Variants in DNM3 observed in about 807,000 individuals in gnomAD.
DNM3 encodes dynamin 3.
DNM3 carries 47 observed loss-of-function variants against 101.6 expected under a neutral mutation model. That is an observed-to-expected ratio of 0.46 (90% CI 0.37 to 0.59). The LOEUF (loss-of-function observed/expected upper bound fraction) is 0.59, where lower values mean the gene tolerates loss of function less well. Ranked by LOEUF, DNM3 falls within the 20% of genes least tolerant of loss-of-function variation. DNM3 has a pLI of 0.00. For missense variants in DNM3, 849 were observed against 1,085.7 expected, an observed-to-expected ratio of 0.78 and a Z score of 3.06; for synonymous variants, 385 against 387.9, an observed-to-expected ratio of 0.99 and a Z score of 0.09.
intron 14 of DNM3, among the ~76,000 whole-genome samples, chr1:172,240,278 G>A (rs1173972072): frequency 6.6e-6 from 1 of 152,120 alleles, no homozygotes; most frequent in African/African-American, 2.4e-5. Context: ...TGAATGCTCA[G>A]GCCCTTTGCT....
intron 14 of DNM3, among the ~76,000 whole-genome samples, chr1:172,170,878 A>G (rs1345686401): frequency 6.6e-6 from 1 of 151,798 alleles, no homozygotes; most frequent in Non-Finnish European, 1.5e-5. Context: ...TCTAGGGGTC[A>G]TGCCAACTCT....
intron 6 of DNM3, 37 bp from the exon 7 acceptor site, chr1:172,038,282 A>C (rs1572202891): frequency 6.2e-7 from 1 of 1,611,338 alleles, no homozygotes; most frequent in East Asian, 2.2e-5. Flanking sequence ...TATATGATTC[A>C]ATCTTCAATC....
chr1:172,151,195 A>G (rs1349510265), intron 14 of DNM3, among the ~76,000 whole-genome samples: 2 of 152,216 alleles, frequency 1.3e-5, no homozygotes, highest in African/African-American at 4.8e-5. Flanking sequence ...TTTTAAGCCT[A>G]GCGCATGTGC....
rs185209747 is a variant in DNM3 at position 171,968,106 on chromosome 1, T to C, written c.236-19550T>C. Reference sequence around the variant, plus strand: ...CCATAAAATGGTTTTGAAGATTGAATGAGATAGAGCAAATGAAGATGCTTT... The same window carrying C: ...CCATAAAATGGTTTTGAAGATTGAACGAGATAGAGCAAATGAAGATGCTTT... On this transcript the variant is annotated intron_variant, in intron 2 of 20. Transcript: ENST00000627582. Among the ~76,000 whole-genome samples the C allele has an allele frequency of 7.7e-4, 118 of 152,290 alleles. 1 individual carries two copies. The East Asian group carries it at 0.022, about 28-fold the overall frequency.
At position 172,081,819 on chromosome 1, in the gene DNM3, C is replaced by T. The variant is rs1356305013; in HGVS notation, c.1423-13C>T. On this transcript the variant is annotated splice_polypyrimidine_tract_variant and intron_variant, in intron 11 of 20. Transcript: ENST00000627582. ...GATGGGTTTTCACTGAAGTGTTTCT[C>T]TTTGACTTATAGGTATTGCTATTGA... is the stretch of plus-strand genomic sequence containing the variant. 6.2e-6 allele frequency: 10 copies of T among 1,607,020 alleles called. No individual in the cohort carries two copies. The highest frequency in any genetic ancestry group is 1.7e-5 in the Admixed American group (1 of 59,304).
intron 15 of DNM3, among the ~76,000 whole-genome samples, chr1:172,308,474 T>C (rs1362065495): frequency 6.6e-6 from 1 of 152,254 alleles, no homozygotes; most frequent in Non-Finnish European, 1.5e-5. Context: ...AATACATTTG[T>C]ATTTACTTTT....
intron 14 of DNM3, among the ~76,000 whole-genome samples, chr1:172,227,748 T>C (rs1029982578): frequency 2.0e-5 from 3 of 152,152 alleles, no homozygotes; most frequent in African/African-American, 7.2e-5. Flanking sequence ...TGAAGATAGA[T>C]ATATTTTGAA....
intron 14 of DNM3, among the ~76,000 whole-genome samples, chr1:172,193,407 A>G (rs1045115245): frequency 2.0e-5 from 3 of 151,958 alleles, no homozygotes; most frequent in South Asian, 2.1e-4. Flanking sequence ...CTCTTTTTCT[A>G]TTGATTGGAA....
chr1:171,937,666 C>A (rs1203003516), intron 2 of DNM3, among the ~76,000 whole-genome samples: 1 of 152,180 alleles, frequency 6.6e-6, no homozygotes, highest in Non-Finnish European at 1.5e-5. Flanking sequence ...ATCTCCCAGG[C>A]TCAACCTATT....
intron 17 of DNM3, among the ~76,000 whole-genome samples, chr1:172,374,687 T>C (rs1007874603): frequency 2.0e-5 from 3 of 152,128 alleles, no homozygotes; most frequent in African/African-American, 7.2e-5. Flanking sequence ...CTATGTAGTT[T>C]ATTATGACGG....
At chr1:172,125,722 T>C (rs2056583678) in intron 13 of DNM3, among the ~76,000 whole-genome samples, 1 of 152,138 alleles carries the variant, frequency 6.6e-6, no homozygotes, top group Admixed American at 6.5e-5. Context: ...TAATTATGGG[T>C]TTGCTTGTTC....
intron 2 of DNM3, among the ~76,000 whole-genome samples, chr1:171,928,946 C>T (rs1461729918): frequency 1.3e-5 from 2 of 152,218 alleles, no homozygotes; most frequent in Non-Finnish European, 2.9e-5. Context: ...GCCATGATGG[C>T]GGCCTGCCCC....
chr1:172,339,652 A>G (rs1297112858), intron 17 of DNM3, among the ~76,000 whole-genome samples: 1 of 152,162 alleles, frequency 6.6e-6, no homozygotes, highest in Non-Finnish European at 1.5e-5. Context: ...CCCAGTTGAT[A>G]TGTGAAAGAA....
intron 17 of DNM3, among the ~76,000 whole-genome samples, chr1:172,347,746 C>T (rs1037343366): frequency 2.6e-5 from 4 of 152,088 alleles, no homozygotes; most frequent in African/African-American, 7.2e-5. Flanking sequence ...TGGGGAAACA[C>T]AGTATTCAAA....
chr1:172,181,891 G>C (rs1296831796), intron 14 of DNM3, among the ~76,000 whole-genome samples: 1 of 151,794 alleles, frequency 6.6e-6, no homozygotes, highest in Non-Finnish European at 1.5e-5. Flanking sequence ...GGCCAGGCTG[G>C]CCATAATTCT....
intron 14 of DNM3, among the ~76,000 whole-genome samples, chr1:172,136,304 C>A (rs1037102064): frequency 6.6e-6 from 1 of 152,072 alleles, no homozygotes; most frequent in African/African-American, 2.4e-5. Flanking sequence ...ACAGTTATAT[C>A]CCTGGATGAT....
In DNM3 at chr1:172,210,998, A is replaced by T. The variant is rs995743605; in HGVS notation, c.1660-42575A>T. 2.6e-5 allele frequency among the ~76,000 whole-genome samples: 4 copies of T among 152,112 alleles called. No individual in the cohort carries two copies. The East Asian group carries it at 7.7e-4, about 29-fold the overall frequency. ...AAACAAAAATTCTGACAAATTTAAGAAATTTATGATTGCTATTGCAGCCAA... is the reference window on the plus strand; with the variant it reads ...AAACAAAAATTCTGACAAATTTAAGTAATTTATGATTGCTATTGCAGCCAA... On this transcript the variant is annotated intron_variant, in intron 14 of 20. Transcript: ENST00000627582.
chr1:171,987,298 A>G (rs1282123518), intron 2 of DNM3: 2 of 985,378 alleles, frequency 2.0e-6, no homozygotes, highest in East Asian at 2.3e-4. Flanking sequence ...GAATGCTAAC[A>G]GAACTCAGAG....
At chr1:172,237,790 AC>A (rs2061600461) in intron 14 of DNM3, among the ~76,000 whole-genome samples, 1 of 152,200 alleles carries the variant, frequency 6.6e-6, no homozygotes, top group African/African-American at 2.4e-5. Flanking sequence ...GAACCATATT[AC>A]TGAGAAACTT....
Sources: allele counts gnomAD v4.1 joint callset (sites outside exome capture counted in the v4.1 genomes callset), GRCh38; gene constraint gnomAD v4.1.1; transcripts MANE v1.5; gene names NCBI Gene and HGNC (gene_info 2026-07-23, HGNC 2026-07-21).